FAM228B: variants seen among roughly 807,000 people sequenced by gnomAD.
The protein encoded by FAM228B is family with sequence similarity 228 member B.
A neutral mutation model predicts 42.6 loss-of-function variants in FAM228B; 38 were observed. The ratio of observed to expected loss-of-function variants is 0.89; its 90% confidence interval spans 0.69 to 1.17. The LOEUF (loss-of-function observed/expected upper bound fraction) is 1.17, where lower values mean the gene tolerates loss of function less well. FAM228B is among the 50% of genes most tolerant of loss of function. The pLI is 0.00. For missense variants in FAM228B, 344 were observed against 367.3 expected (o/e 0.94, Z 0.52); for synonymous variants, 109 against 122.3 (o/e 0.89, Z 0.72).
Position 24,169,467 on chromosome 2 carries a change from G to A in FAM228B, c.*126G>A. 2.6e-6 allele frequency: 1 copy of A among 384,762 alleles called. No individual in the cohort carries two copies. Among genetic ancestry groups the A allele is most frequent in the Non-Finnish European group, 6.0e-6 (1 of 166,160 alleles). The allele number at this position is 384,762 out of a possible 1,614,324, so 23.8% of individuals were successfully genotyped here. A position where few individuals can be genotyped will look rare whatever the true frequency, so the allele number is the denominator to read the frequency against. On this transcript the variant is annotated 3_prime_UTR_variant, in exon 11 of 11. Transcript: ENST00000615575. The surrounding 1 kb of genome is among the most constrained non-coding windows in gnomAD (Gnocchi z 4.2). ...TCACAGGAATCAGGGTGAAGGCCAA[G>A]GACGGCACTCAAGAATTGTCCTGTC...
chr2:24,092,620 T>A, intron 2 of FAM228B, among the ~76,000 whole-genome samples: 1 of 152,048 alleles, frequency 6.6e-6, no homozygotes, highest in East Asian at 1.9e-4. Context: ...ATAGTAACAA[T>A]GACAGTATGA....
intron 3 of FAM228B, among the ~76,000 whole-genome samples, chr2:24,113,744 G>T (rs529169921): frequency 1.3e-5 from 2 of 152,270 alleles, no homozygotes; most frequent in African/African-American, 2.4e-5. Flanking sequence ...AGGTGTAGTA[G>T]TGGGTGCCTG....
intron 5 of FAM228B, among the ~76,000 whole-genome samples, chr2:24,141,891 C>T (rs2151021042): frequency 6.6e-6 from 1 of 152,196 alleles, no homozygotes; most frequent in East Asian, 1.9e-4. Flanking sequence ...CTTGGTGGGG[C>T]ACATCACTGG....
chr2:24,079,379 G>A (rs1247684691), intron 1 of FAM228B: 2 of 1,538,726 alleles, frequency 1.3e-6, no homozygotes, highest in Admixed American at 3.6e-5. Flanking sequence ...CCTTTCTCGG[G>A]GTAATGTAAA....
chr2:24,135,729 C>G (rs771277257), intron 3 of FAM228B, among the ~76,000 whole-genome samples: 1 of 152,116 alleles, frequency 6.6e-6, no homozygotes, highest in Non-Finnish European at 1.5e-5. Context: ...GGGACTCGGC[C>G]TAGCAGACCT....
At position 24,084,360 on chromosome 2, in the gene FAM228B, A is replaced by G. The variant is rs376092956; in HGVS notation, c.-210+3405A>G. Reference sequence around the variant, plus strand: ...AGGACACAGGGCAGGGCAGGGCAGGACAGGACAGGGCAGGGCAGGGCAGGA... The same window carrying G: ...AGGACACAGGGCAGGGCAGGGCAGGGCAGGACAGGGCAGGGCAGGGCAGGA... On this transcript the variant is annotated intron_variant, in intron 2 of 10. Transcript: ENST00000613899. This position sits in a 1 kb window ranked among gnomAD's most constrained non-coding sequence, Gnocchi z 8.4. The G allele has an allele frequency of 1.0e-4, 142 of 1,360,474 alleles. No homozygotes were observed. The South Asian group carries it at 1.2e-3, about 11-fold the overall frequency. 84.3% of individuals were successfully genotyped at this position (1,360,474 alleles called of 1,614,324 possible). A position where few individuals can be genotyped will look rare whatever the true frequency, so the allele number is the denominator to read the frequency against.
chr2:24,077,373 G>C lies in FAM228B; in HGVS notation c.-290+404G>C, dbSNP rs112778190. ...ATCGGGCCTCAGTAATCCCCGCTGC[G>C]ACGCCCGTCCGGACTCCCACCTCAA... On this transcript the variant is annotated intron_variant, in intron 1 of 10. Transcript: ENST00000613899. This position sits in a 1 kb window ranked among gnomAD's most constrained non-coding sequence, Gnocchi z 5.5. 1,200 of 502,362 alleles carry C rather than the reference G, an allele frequency of 2.4e-3. 8 individuals are homozygous for C. Among genetic ancestry groups the C allele is most frequent in the African/African-American group, 0.02 (1,075 of 52,596 alleles). The allele number at this position is 502,362 out of a possible 1,614,324, so 31.1% of individuals were successfully genotyped here.
chr2:24,167,065 G>A (rs1667435419), intron 9 of FAM228B, among the ~76,000 whole-genome samples: 1 of 152,198 alleles, frequency 6.6e-6, no homozygotes, highest in South Asian at 2.1e-4. Context: ...CTGTGCGGAG[G>A]TCTGGAGTAG....
intron 2 of FAM228B, among the ~76,000 whole-genome samples, chr2:24,089,030 T>C (rs1291482282): frequency 2.6e-5 from 4 of 152,162 alleles, no homozygotes; most frequent in Non-Finnish European, 4.4e-5. Flanking sequence ...AGATTATATT[T>C]AGTAGAAATG....
At chr2:24,102,402 A>G (rs1483327225) in intron 3 of FAM228B, among the ~76,000 whole-genome samples, 1 of 152,230 alleles carries the variant, frequency 6.6e-6, no homozygotes, top group Non-Finnish European at 1.5e-5. Context: ...CATTTTTGCT[A>G]AATTTTTTGG....
intron 3 of FAM228B, among the ~76,000 whole-genome samples, chr2:24,105,182 G>C (rs1665679513): frequency 6.6e-6 from 1 of 152,186 alleles, no homozygotes; most frequent in Non-Finnish European, 1.5e-5. Context: ...GGACAACCTC[G>C]TGTTTCCCCA....
chr2:24,115,603 G>A (rs781694010), intron 3 of FAM228B: 8 of 1,611,430 alleles, frequency 5.0e-6, no homozygotes, highest in Middle Eastern at 1.7e-4. Context: ...TTTTTTCTTA[G>A]GTAGTCTCCT....
Position 24,124,450 on chromosome 2 carries a change from G to C in FAM228B, c.89G>C (p.Cys30Ser), listed in dbSNP as rs1170309114. The C allele has an allele frequency of 2.6e-6, 4 of 1,548,290 alleles. No individual in the cohort carries two copies. The highest frequency in any genetic ancestry group is 4.0e-5 in the Admixed American group (2 of 50,086). The change falls in exon 2 of 11, where the codon TGT becomes TCT. Residue 30 changes from cysteine to serine, a missense_variant. By Grantham distance (112) the Cys-to-Ser change is moderately radical (BLOSUM62 -1). Transcript: ENST00000615575. ...GAATGGTTGGAGCCCAAGCCCCTTT[G>C]TTTTATGGAGGTATATATCAAATAG... is the stretch of plus-strand genomic sequence containing the variant. The part of the protein sequence containing the change: ...SKEWLEPKPL[C>S]FMEVLAKEDT...
At chr2:24,132,167 G>A (rs1377592567) in intron 2 of FAM228B, among the ~76,000 whole-genome samples, 4 of 152,134 alleles carry the variant, frequency 2.6e-5, no homozygotes, top group Non-Finnish European at 5.9e-5. Context: ...GCCTTGCAAC[G>A]CAGGGATGAA....
At chr2:24,113,940 C>T (rs1164001180) in intron 3 of FAM228B, among the ~76,000 whole-genome samples, 2 of 151,422 alleles carry the variant, frequency 1.3e-5, no homozygotes, top group Non-Finnish European at 2.9e-5. Context: ...AATGGATGAA[C>T]GGACTAGTGG....
chr2:24,115,535 A>C (rs1030497880), intron 3 of FAM228B: 4 of 1,548,536 alleles, frequency 2.6e-6, no homozygotes, highest in Non-Finnish European at 3.5e-6. Context: ...TAGGCTCTTC[A>C]ATTTTCTTCT....
Position 24,103,660 on chromosome 2 carries a change from C to T in FAM228B, c.-121+8431C>T, listed in dbSNP as rs1215328476. 3.3e-5 allele frequency among the ~76,000 whole-genome samples: 5 copies of T among 152,258 alleles called. No homozygotes were observed. In the East Asian group the frequency reaches 9.7e-4, roughly 29 times the overall value. Reference sequence around the variant, plus strand: ...TCCCACTAGGCACCCAGCAATGCAGCGGGTGTGTTTAGGAAAGGCTGGCCG... The same window carrying T: ...TCCCACTAGGCACCCAGCAATGCAGTGGGTGTGTTTAGGAAAGGCTGGCCG... On this transcript the variant is annotated intron_variant, in intron 3 of 10. Coordinates refer to the FAM228B transcript ENST00000613899.
At chr2:24,158,262 C>T (rs1667205282) in intron 7 of FAM228B, among the ~76,000 whole-genome samples, 1 of 136,352 alleles carries the variant, frequency 7.3e-6, no homozygotes, top group Admixed American at 8.0e-5. Flanking sequence ...TTAAAACTTC[C>T]TCTCTGAAGT....
chr2:24,156,535 G>A (rs1667149547), intron 7 of FAM228B, among the ~76,000 whole-genome samples: 1 of 152,200 alleles, frequency 6.6e-6, no homozygotes, highest in African/African-American at 2.4e-5. Context: ...TGTGGAGGCT[G>A]AGGCAGGAGA....
Sources: allele counts gnomAD v4.1 joint callset (sites outside exome capture counted in the v4.1 genomes callset), GRCh38; gene constraint gnomAD v4.1.1; non-coding constraint Gnocchi (gnomAD v3.1); transcripts MANE v1.5; gene names NCBI Gene and HGNC (gene_info 2026-07-23, HGNC 2026-07-21).